The following COL4A6 variants were observed in gnomAD, a reference collection of about 807,000 sequenced individuals.
COL4A6 encodes collagen alpha-6(IV) chain.
In COL4A6, 59 loss-of-function variants were observed where a neutral mutation model predicts 126.7. The observed-to-expected ratio is 0.47, with a 90% confidence interval of 0.38 to 0.58. The LOEUF is 0.58. Among genes scored for constraint, COL4A6 ranks in the 20% least tolerant of loss-of-function variants. The pLI, the probability that COL4A6 is intolerant of heterozygous loss-of-function variation, is 0.00. For synonymous variants in COL4A6, 547 were observed against 496.6 expected, an observed-to-expected ratio of 1.10 and a Z score of -1.35; for missense variants, 1,285 against 1,337.3, an observed-to-expected ratio of 0.96 and a Z score of 0.61.
intron 3 of COL4A6, among the ~76,000 whole-genome samples, chrX:108,304,016 C>T (rs989139209): frequency 1.8e-5 from 2 of 111,734 alleles, no homozygotes; most frequent in Non-Finnish European, 3.8e-5. Flanking sequence ...CCTTTGAGAT[C>T]ACACATCCCA....
At chrX:108,330,154 C>A (rs2039262504) in intron 2 of COL4A6, among the ~76,000 whole-genome samples, 1 of 110,473 alleles carries the variant, frequency 9.1e-6, no homozygotes, top group Admixed American at 9.7e-5. Flanking sequence ...GGGAAAAAGC[C>A]CTGACGAACA....
intron 2 of COL4A6, among the ~76,000 whole-genome samples, chrX:108,423,675 C>A (rs772409990): frequency 8.9e-6 from 1 of 111,750 alleles, no homozygotes; most frequent in Non-Finnish European, 1.9e-5. Context: ...GCACTGATTG[C>A]TATTTGGGGG....
intron 3 of COL4A6, among the ~76,000 whole-genome samples, chrX:108,260,386 C>A (rs1359817955): frequency 9.0e-6 from 1 of 111,641 alleles, no homozygotes; most frequent in African/African-American, 3.3e-5. Context: ...TGTGTCCCCA[C>A]CCAAATCTCA....
intron 2 of COL4A6, among the ~76,000 whole-genome samples, chrX:108,331,569 C>T (rs974291719): frequency 6.3e-5 from 7 of 111,735 alleles, no homozygotes; most frequent in Admixed American, 4.7e-4. Flanking sequence ...ATATGCCATC[C>T]GTCCTTGACC....
At chrX:108,346,687 C>T (rs760435615) in intron 2 of COL4A6, among the ~76,000 whole-genome samples, 85 of 112,380 alleles carry the variant, frequency 7.6e-4, no homozygotes, top group African/African-American at 2.7e-3. Context: ...AAGTTAAGTT[C>T]CTACAGCATA....
intron 43 of COL4A6, 25 bp from the exon 44 acceptor site, chrX:108,159,773 G>A (rs1021809232): frequency 8.3e-7 from 1 of 1,210,066 alleles, no homozygotes; most frequent in East Asian, 3.0e-5. Flanking sequence ...AGTGGGCAAG[G>A]GCAGGGGAGG....
chrX:108,205,189 A>C (rs1187485853), intron 11 of COL4A6, among the ~76,000 whole-genome samples: 1 of 111,364 alleles, frequency 9.0e-6, no homozygotes, highest in African/African-American at 3.3e-5. Flanking sequence ...TTTGTAAGAC[A>C]TACACCTTTC....
At chrX:108,160,336 T>C in intron 43 of COL4A6, 127 bp downstream of exon 43, 1 of 655,709 alleles carries the variant, frequency 1.5e-6, no homozygotes, top group South Asian at 2.9e-5. Context: ...TCCACCTGAC[T>C]CCAGAGCTGA....
intron 6 of COL4A6, 121 bp from the exon 7 acceptor site, chrX:108,211,861 G>T: frequency 1.5e-6 from 1 of 660,880 alleles, no homozygotes; most frequent in Non-Finnish European, 2.3e-6. Flanking sequence ...TTTTTCTATG[G>T]CAAAATTGGC....
At chrX:108,355,661 G>C (rs964125768) in intron 2 of COL4A6, among the ~76,000 whole-genome samples, 11 of 112,121 alleles carry the variant, frequency 9.8e-5, no homozygotes, top group Non-Finnish European at 1.9e-4. Context: ...AGATTGGGTG[G>C]ACAGGGAATG....
chrX:108,430,855 C>A (rs998100441), intron 2 of COL4A6, among the ~76,000 whole-genome samples: 2 of 111,604 alleles, frequency 1.8e-5, no homozygotes, highest in Admixed American at 1.9e-4. Flanking sequence ...ATAATAATAG[C>A]TGGCTTTGGC....
intron 26 of COL4A6, 46 bp downstream of exon 26, chrX:108,179,171 T>C (rs369137744): frequency 9.0e-7 from 1 of 1,114,156 alleles, no homozygotes; most frequent in African/African-American, 1.8e-5. Context: ...CGAATTAATA[T>C]AAGGCTTTCT....
chrX:108,360,504 G>A (rs2040058918), intron 2 of COL4A6, among the ~76,000 whole-genome samples: 1 of 109,306 alleles, frequency 9.1e-6, no homozygotes, highest in African/African-American at 3.3e-5. Context: ...AGTATAGTCA[G>A]GGCAGTTTCA....
chrX:108,193,419 A>C (rs2035113796), intron 17 of COL4A6, among the ~76,000 whole-genome samples: 1 of 111,435 alleles, frequency 9.0e-6, no homozygotes, highest in Admixed American at 9.5e-5. Context: ...AGTGGACTGA[A>C]CACAAAAATG....
chrX:108,206,680 C>G (rs1376224034), intron 8 of COL4A6, 100 bp from the exon 9 acceptor site: 3 of 689,897 alleles, frequency 4.3e-6, no homozygotes. Context: ...ATGTTCATAG[C>G]AACTTTATTC....
chrX:108,179,054 C>A (rs1208034506), intron 26 of COL4A6, among the ~76,000 whole-genome samples, 163 bp downstream of exon 26: 2 of 112,059 alleles, frequency 1.8e-5, no homozygotes, highest in African/African-American at 6.5e-5. Flanking sequence ...TCGACTCAGG[C>A]TATTTAAGGA....
At chrX:108,290,051 C>T (rs1223435472) in intron 3 of COL4A6, among the ~76,000 whole-genome samples, 1 of 112,115 alleles carries the variant, frequency 8.9e-6, no homozygotes, top group Non-Finnish European at 1.9e-5. Flanking sequence ...AATCCTTACC[C>T]TGTAAGCGAT....
At chrX:108,302,898 C>T (rs1163867353) in intron 3 of COL4A6, among the ~76,000 whole-genome samples, 4 of 110,959 alleles carry the variant, frequency 3.6e-5, no homozygotes, top group African/African-American at 9.8e-5. Flanking sequence ...TTATTTAATC[C>T]TAAATCTTAA....
chrX:108,429,357 T>C (rs1465414560), intron 2 of COL4A6, among the ~76,000 whole-genome samples: 2 of 111,870 alleles, frequency 1.8e-5, no homozygotes, highest in Admixed American at 9.5e-5. Flanking sequence ...AAACTTAATA[T>C]ATGTTGTTGG....
Sources: allele counts gnomAD v4.1 joint callset (sites outside exome capture counted in the v4.1 genomes callset), GRCh38; gene constraint gnomAD v4.1.1; transcripts MANE v1.5; gene names NCBI Gene and HGNC (gene_info 2026-07-23, HGNC 2026-07-21).